MGAT4C: variants seen among roughly 807,000 people sequenced by gnomAD.
MGAT4C encodes the protein MGAT4 family member C, also known as alpha-1,3-mannosyl-glycoprotein 4-beta-N-acetylglucosaminyltransferase C.
Under a neutral mutation model 40.1 loss-of-function variants are expected in MGAT4C, and 19 were observed. The ratio of observed to expected loss-of-function variants is 0.47; its 90% CI spans 0.33 to 0.70. The LOEUF (loss-of-function observed/expected upper bound fraction) is 0.70, where lower values mean the gene tolerates loss of function less well. Ranked by LOEUF, MGAT4C falls within the 30% of genes least tolerant of loss-of-function variation. The pLI, the probability that MGAT4C is intolerant of heterozygous loss-of-function variation, is 0.02. For synonymous variants in MGAT4C, 181 were observed against 187.1 expected, an observed-to-expected ratio of 0.97 and a Z score of 0.27; for missense variants, 491 against 563.2, an observed-to-expected ratio of 0.87 and a Z score of 1.30.
chr12:86,209,988 G>T (rs1205119123), intron 1 of MGAT4C, among the ~76,000 whole-genome samples: 1 of 152,054 alleles, frequency 6.6e-6, no homozygotes, highest in East Asian at 1.9e-4. Flanking sequence ...TAATTATACA[G>T]ATTATGTTTC....
intron 2 of MGAT4C, among the ~76,000 whole-genome samples, chr12:86,692,082 A>G (rs1055042059): frequency 4.6e-5 from 7 of 152,304 alleles, no homozygotes; most frequent in Admixed American, 2.6e-4. Context: ...AAAAGCATGA[A>G]GAGAAATTTT....
chr12:86,146,704 T>TA, intron 1 of MGAT4C, among the ~76,000 whole-genome samples: 1 of 152,112 alleles, frequency 6.6e-6, no homozygotes, highest in East Asian at 1.9e-4. Context: ...ATTTATTAAT[T>TA]AAAAATTTAG....
In MGAT4C at chr12:86,720,828, C is replaced by A. The variant is rs866243465; in HGVS notation, c.-229+6381G>T. Among the ~76,000 whole-genome samples, 94 of 152,152 alleles carry A rather than the reference C, an allele frequency of 6.2e-4. 1 individual carries two copies. Among genetic ancestry groups the A allele is most frequent in the African/African-American group, 2.2e-3 (91 of 41,536 alleles). On this transcript the variant is annotated intron_variant, in intron 2 of 7. Coordinates refer to the MGAT4C transcript ENST00000548651. The stretch of plus-strand genomic sequence containing the variant: ...AGTAGAGGCATTGTTTATAGAAATT[C>A]AAGAAGATAATTAAAATGAATCCTC...
chr12:86,220,967 C>T (rs1950855963), intron 1 of MGAT4C, among the ~76,000 whole-genome samples: 1 of 152,146 alleles, frequency 6.6e-6, no homozygotes, highest in Non-Finnish European at 1.5e-5. Context: ...AGATGCCCAA[C>T]AAACCTATTT....
chr12:86,758,389 T>TA (rs1951343644), intron 1 of MGAT4C, among the ~76,000 whole-genome samples: 1 of 126,120 alleles, frequency 7.9e-6, no homozygotes, highest in African/African-American at 3.2e-5. Flanking sequence ...TTTTTTTTTT[T>TA]TAAAAAAAAG....
intron 2 of MGAT4C, among the ~76,000 whole-genome samples, chr12:86,483,374 C>T (rs914114863): frequency 1.2e-4 from 19 of 152,040 alleles, no homozygotes; most frequent in Non-Finnish European, 2.2e-4. Context: ...TTTATAGAGG[C>T]TATTATTTAA....
chr12:86,065,644 C>T (rs1023357219), intron 1 of MGAT4C, among the ~76,000 whole-genome samples: 9 of 151,966 alleles, frequency 5.9e-5, no homozygotes, highest in African/African-American at 9.7e-5. Context: ...CTTTGAAAAA[C>T]GGGAGAAGAC....
intron 2 of MGAT4C, among the ~76,000 whole-genome samples, chr12:86,578,810 G>A (rs1354329645): frequency 6.6e-6 from 1 of 151,044 alleles, no homozygotes; most frequent in African/African-American, 2.4e-5. Context: ...AAAACTTTTT[G>A]TTTCATTGAT....
intron 2 of MGAT4C, among the ~76,000 whole-genome samples, chr12:86,461,192 G>A (rs1008047049): frequency 6.6e-6 from 1 of 151,220 alleles, no homozygotes; most frequent in Non-Finnish European, 1.5e-5. Flanking sequence ...TTCCAATGTA[G>A]GGAAGCCAAA....
At chr12:86,438,886 A>T (rs1957181584) in intron 2 of MGAT4C, among the ~76,000 whole-genome samples, 1 of 151,992 alleles carries the variant, frequency 6.6e-6, no homozygotes, top group Admixed American at 6.6e-5. Context: ...AAAGACAAAG[A>T]AGGTCATTAT....
At chr12:86,117,959 A>T (rs61931157) in intron 1 of MGAT4C, among the ~76,000 whole-genome samples, 11,439 of 152,204 alleles carry the variant, frequency 0.075, 587 homozygotes, top group Middle Eastern at 0.21. Context: ...ATTGATTTTG[A>T]CTTGCATAAC....
intron 2 of MGAT4C, among the ~76,000 whole-genome samples, chr12:86,534,270 G>C (rs945672006): frequency 2.6e-4 from 39 of 152,028 alleles, no homozygotes; most frequent in Admixed American, 9.2e-4. Flanking sequence ...TCTTTCTACT[G>C]ATTTCAGGTC....
At chr12:86,801,216 T>C (rs1299261594) in intron 1 of MGAT4C, among the ~76,000 whole-genome samples, 1 of 151,908 alleles carries the variant, frequency 6.6e-6, no homozygotes, top group East Asian at 1.9e-4. Flanking sequence ...ACAGCTCTCC[T>C]TGTCTAAACG....
chr12:86,030,288 T>C (rs1308101031), intron 2 of MGAT4C, among the ~76,000 whole-genome samples: 1 of 151,790 alleles, frequency 6.6e-6, no homozygotes, highest in Non-Finnish European at 1.5e-5. Flanking sequence ...TTTATGTGTA[T>C]AGAATGACAC....
chr12:86,166,360 T>C (rs953782043), intron 1 of MGAT4C, among the ~76,000 whole-genome samples: 21 of 152,176 alleles, frequency 1.4e-4, no homozygotes, highest in Non-Finnish European at 3.1e-4. Flanking sequence ...ACAACAACTA[T>C]GTACTAGAAT....
rs1961905350 is a variant in MGAT4C at position 86,603,589 on chromosome 12, A to T, written c.-229+123620T>A. ...TAGACTATAGATAATATATAGTCATATAGTCTATAGACTATAGATAATATA... is the reference window on the plus strand; with the variant it reads ...TAGACTATAGATAATATATAGTCATTTAGTCTATAGACTATAGATAATATA... On this transcript the variant is annotated intron_variant, in intron 2 of 7. Coordinates refer to the MGAT4C transcript ENST00000548651. Among the ~76,000 whole-genome samples, 5 of 123,282 alleles carry T rather than the reference A, an allele frequency of 4.1e-5. No individual in the cohort carries two copies. The South Asian group carries it at 1.2e-3, about 29-fold the overall frequency. The allele number at this position is 123,282 out of a possible 152,430, so 80.9% of individuals were successfully genotyped here. A position where few individuals can be genotyped will look rare whatever the true frequency, so the allele number is the denominator to read the frequency against.
chr12:86,687,856 G>C (rs192610917), intron 2 of MGAT4C, among the ~76,000 whole-genome samples: 1 of 152,066 alleles, frequency 6.6e-6, no homozygotes, highest in Admixed American at 6.6e-5. Flanking sequence ...GGTCTGTTTG[G>C]TCCAGTGCTG....
chr12:86,487,895 T>A (rs1198857121), intron 2 of MGAT4C, among the ~76,000 whole-genome samples: 3 of 152,190 alleles, frequency 2.0e-5, no homozygotes, highest in African/African-American at 7.2e-5. Context: ...CTTAACATCA[T>A]AAGTTTATAT....
intron 3 of MGAT4C, among the ~76,000 whole-genome samples, chr12:86,409,667 T>C (rs1277310263): frequency 6.6e-6 from 1 of 152,172 alleles, no homozygotes; most frequent in Admixed American, 6.6e-5. Flanking sequence ...TGGTTTAGAA[T>C]TGTGCCCCCA....
Sources: allele counts gnomAD v4.1 joint callset (sites outside exome capture counted in the v4.1 genomes callset), GRCh38; gene constraint gnomAD v4.1.1; transcripts MANE v1.5; gene names NCBI Gene and HGNC (gene_info 2026-07-23, HGNC 2026-07-21).